KIF5B: variants seen among roughly 807,000 people sequenced by gnomAD.
KIF5B encodes kinesin-1 heavy chain.
In KIF5B, 49 loss-of-function variants were observed where a neutral mutation model predicts 132.8. The ratio of observed to expected loss-of-function variants is 0.37; its 90% confidence interval spans 0.29 to 0.47. The LOEUF is 0.47. Ranked by LOEUF, KIF5B falls within the 20% of genes least tolerant of loss-of-function variation. KIF5B has a pLI of 1.00. For missense variants in KIF5B, 780 were observed against 1,144.0 expected (o/e 0.68, Z 4.59); for synonymous variants, 355 against 369.4 (o/e 0.96, Z 0.45).
intron 2 of KIF5B, among the ~76,000 whole-genome samples, chr10:32,041,018 G>A (rs1226774362): frequency 1.3e-5 from 2 of 150,610 alleles, no homozygotes; most frequent in African/African-American, 4.9e-5. Context: ...AGCTGTACGT[G>A]GCCTGTAATT....
At position 32,021,227 on chromosome 10, in the gene KIF5B, T is replaced by A; in HGVS notation, c.2093A>T (p.Lys698Met). 6.2e-7 allele frequency: 1 copy of A among 1,612,844 alleles called. No homozygotes were observed. The highest frequency in any genetic ancestry group is 8.5e-7 in the Non-Finnish European group (1 of 1,178,970). Reference sequence around the variant, plus strand: ...TTAGAAATGTGACATCAAACTTGCCTTAACTTCATTTGCAGTCTGAACCTT... The same window carrying A: ...TTAGAAATGTGACATCAAACTTGCCATAACTTCATTTGCAGTCTGAACCTT... ...LNKVQTANEV[K>M]QAVEQQIQSH... is the part of the protein sequence containing the mutation. Residue 698 changes from lysine (K) to methionine (M), a missense_variant and splice_region_variant, in exon 18 of 26, where the codon AAG becomes ATG. Physicochemically the swap from Lys to Met is moderately conservative, Grantham distance 95. Coordinates refer to ENST00000302418, the MANE Select transcript of KIF5B (RefSeq NM_004521.3).
At chr10:32,019,231 T>A (rs559466811) in intron 20 of KIF5B, among the ~76,000 whole-genome samples, 36 of 152,370 alleles carry the variant, frequency 2.4e-4, no homozygotes, top group Admixed American at 4.6e-4. Flanking sequence ...ACAAGTATTC[T>A]AAACAAAATT....
chr10:32,017,182 A>T lies in KIF5B; in HGVS notation c.2722T>A (p.Ser908Thr), dbSNP rs1300302778. The change falls in exon 24 of 26, where the codon TCA becomes ACA. Residue 908 changes from serine to threonine, a missense_variant. By Grantham distance (58) the Ser-to-Thr change is moderately conservative. This residue lies in a region of KIF5B where 90 missense variants were observed against 101.8 expected (regional missense o/e 0.88). Coordinates refer to ENST00000302418, the MANE Select transcript of KIF5B (RefSeq NM_004521.3). ...TGCCCTCTTCTGGCCATATTCTTTG[A>T]CCTGACTGCTTCCTTTATGCGATCT... is the stretch of plus-strand genomic sequence containing the variant. ...EVDRIKEAVRSKNMARRGHSA... is the reference protein window; with the variant it reads ...EVDRIKEAVRTKNMARRGHSA... 1 of 1,614,086 alleles carries T rather than the reference A, an allele frequency of 6.2e-7. No individual in the cohort carries two copies. Among genetic ancestry groups the T allele is most frequent in the African/African-American group, 1.3e-5 (1 of 74,936 alleles).
chr10:32,056,067 G>C lies in KIF5B; in HGVS notation c.-94C>G. On this transcript the variant is annotated 5_prime_UTR_variant, in exon 1 of 26. Transcript: ENST00000302418. Reference sequence around the variant, plus strand: ...GACCTGAGGGCTTGTGGTCGCGAGGGCCGTGAGAGGCAGCAGTCAGCTGCG... The same window carrying C: ...GACCTGAGGGCTTGTGGTCGCGAGGCCCGTGAGAGGCAGCAGTCAGCTGCG... 1 of 1,464,908 alleles carries C rather than the reference G, an allele frequency of 6.8e-7. No homozygotes were observed. The highest frequency in any genetic ancestry group is 9.3e-7 in the Non-Finnish European group (1 of 1,080,736). 90.7% of individuals were successfully genotyped at this position (1,464,908 alleles called of 1,614,324 possible). A position where few individuals can be genotyped will look rare whatever the true frequency, so the allele number is the denominator to read the frequency against.
At chr10:32,027,701 C>T (rs1278421385) in intron 15 of KIF5B, among the ~76,000 whole-genome samples, 2 of 151,280 alleles carry the variant, frequency 1.3e-5, no homozygotes, top group African/African-American at 2.4e-5. Context: ...CATCTTTAAC[C>T]TCCTGCCTCA....
At chr10:32,018,683 A>G in intron 20 of KIF5B, 121 bp from the exon 21 acceptor site, 1 of 757,242 alleles carries the variant, frequency 1.3e-6, no homozygotes, top group Non-Finnish European at 2.0e-6. Context: ...AATAAATACA[A>G]GATGCCTATT....
chr10:32,033,374 G>A (rs891707595), intron 12 of KIF5B, among the ~76,000 whole-genome samples: 7 of 152,182 alleles, frequency 4.6e-5, no homozygotes, highest in African/African-American at 1.7e-4. Flanking sequence ...CTTGAGCTCC[G>A]CCTTCTGCCA....
intron 19 of KIF5B, among the ~76,000 whole-genome samples, chr10:32,020,811 C>A (rs1461595695): frequency 2.6e-5 from 4 of 151,842 alleles, no homozygotes; most frequent in Non-Finnish European, 5.9e-5. Context: ...GGATTTTTTT[C>A]TTTTACTGAA....
intron 15 of KIF5B, among the ~76,000 whole-genome samples, chr10:32,023,561 A>T (rs1841292977): frequency 6.7e-6 from 1 of 150,230 alleles, no homozygotes; most frequent in African/African-American, 2.5e-5. Flanking sequence ...AAGTCAAAAG[A>T]CCCTGAATAG....
rs1215844696 is a variant in KIF5B, at chr10:32,035,686, A to C, written c.817-19T>G. On this transcript the variant is annotated intron_variant, in intron 9 of 25. Transcript: ENST00000302418. ...CATATGTCTGCATACAAAAACAAAG[A>C]AAGAAAACAAGACCAGTATAATAAA... 1 of 1,586,742 alleles carries C rather than the reference A, an allele frequency of 6.3e-7. No homozygotes were observed. The highest frequency in any genetic ancestry group is 1.4e-5 in the African/African-American group (1 of 73,382).
At chr10:32,055,448 A>G (rs1009484798) in intron 1 of KIF5B, among the ~76,000 whole-genome samples, 2 of 152,334 alleles carry the variant, frequency 1.3e-5, no homozygotes, top group East Asian at 1.9e-4. Flanking sequence ...GCCGATCTTT[A>G]TATTAGCATT....
chr10:32,028,214 C>G (rs1841357451), intron 15 of KIF5B, among the ~76,000 whole-genome samples: 1 of 150,000 alleles, frequency 6.7e-6, no homozygotes, highest in Admixed American at 6.6e-5. Flanking sequence ...AACATGAGGT[C>G]CAATAAATGC....
In KIF5B at chr10:32,017,370, A is replaced by C; in HGVS notation, c.2545-11T>G. ...ATTATCACGTACCAACTAAACGTAC[A>C]CAAAGAAAACAAGGATTCCAGATTT... On this transcript the variant is annotated splice_polypyrimidine_tract_variant and intron_variant, in intron 23 of 25. Transcript: ENST00000302418. 6.3e-7 allele frequency: 1 copy of C among 1,599,254 alleles called. No homozygotes were observed. Among genetic ancestry groups the C allele is most frequent in the Non-Finnish European group, 8.6e-7 (1 of 1,168,436 alleles).
At position 32,023,014 on chromosome 10, in the gene KIF5B, A is replaced by T; in HGVS notation, c.1748T>A (p.Ile583Lys). The T allele has an allele frequency of 1.3e-6, 2 of 1,597,454 alleles. No individual in the cohort carries two copies. Among genetic ancestry groups the T allele is most frequent in the Non-Finnish European group, 8.5e-7 (1 of 1,170,396 alleles). ...TCTTGCAACAGTGAACTCTTCATCT[A>T]TCATGCCAGTTCCCTCAGGCTGCTG... ...DVKQPEGTGM[I>K]DEEFTVARLY... The change falls in exon 16 of 26, where the codon ATA becomes AAA. Residue 583 changes from isoleucine to lysine, a missense_variant. Ile to Lys is a moderately radical substitution (Grantham distance 102, BLOSUM62 -3). Around this residue, in one of 9 missense-constraint regions of KIF5B, gnomAD observed 471 missense variants for 569.9 expected, o/e 0.83. Transcript: ENST00000302418.
At chr10:32,018,180 C>T (rs1456028218) in intron 22 of KIF5B, 24 bp from the exon 23 acceptor site, 1 of 1,534,526 alleles carries the variant, frequency 6.5e-7, no homozygotes. Flanking sequence ...GTAAGTATTA[C>T]AAAAAAATTA....
rs1192032027 is a variant in KIF5B at position 32,022,130 on chromosome 10, G to C, written c.2032+10C>G. On this transcript the variant is annotated intron_variant, in intron 17 of 25. Transcript: ENST00000302418. Reference sequence around the variant, plus strand: ...CACAGATGTAACTCATAAACAGTTGGAAGCTATACCTTGTGCTCGAAGCTG... The same window carrying C: ...CACAGATGTAACTCATAAACAGTTGCAAGCTATACCTTGTGCTCGAAGCTG... 1 of 1,364,918 alleles carries C rather than the reference G, an allele frequency of 7.3e-7. No homozygotes were observed. Among genetic ancestry groups the C allele is most frequent in the South Asian group, 1.2e-5 (1 of 81,842 alleles). 84.6% of individuals were successfully genotyped at this position (1,364,918 alleles called of 1,614,324 possible). A position where few individuals can be genotyped will look rare whatever the true frequency, so the allele number is the denominator to read the frequency against.
intron 15 of KIF5B, among the ~76,000 whole-genome samples, chr10:32,026,923 CACTGAAGAAATAA>C (rs1237369512): frequency 6.6e-6 from 1 of 152,166 alleles, no homozygotes; most frequent in Admixed American, 6.5e-5. Context: ...ATAGTGAGTC[CACTGAAGAAATAA>C]CATATGAAGA....
intron 15 of KIF5B, among the ~76,000 whole-genome samples, chr10:32,025,829 G>GA (rs1458406598): frequency 2.6e-5 from 4 of 152,230 alleles, no homozygotes; most frequent in Non-Finnish European, 5.9e-5. Context: ...AGCCATGGAA[G>GA]AATCTTAAAT....
intron 1 of KIF5B, among the ~76,000 whole-genome samples, chr10:32,051,909 T>C (rs1841699455): frequency 6.6e-6 from 1 of 152,208 alleles, no homozygotes; most frequent in Non-Finnish European, 1.5e-5. Context: ...ACCTGGTTTT[T>C]AGCCTCGAAA....
Sources: allele counts gnomAD v4.1 joint callset (sites outside exome capture counted in the v4.1 genomes callset), GRCh38; gene constraint gnomAD v4.1.1; regional missense constraint gnomAD v4.1.1; transcripts MANE v1.5; gene names NCBI Gene and HGNC (gene_info 2026-07-23, HGNC 2026-07-21).